The following IQCM variants were observed in gnomAD, a reference collection of about 807,000 sequenced individuals.
IQCM encodes IQ motif containing M.
IQCM carries 45 observed loss-of-function variants against 57.6 expected under a neutral mutation model. The ratio of observed to expected loss-of-function variants is 0.78; its 90% CI spans 0.62 to 1.00. The LOEUF is 1.00. Ranked by LOEUF, IQCM falls within the 50% of genes least tolerant of loss-of-function variation. The probability of loss-of-function intolerance (pLI) is 0.00; values close to 1 mark genes in which losing one functional copy is unlikely to be tolerated. For synonymous variants in IQCM, 148 were observed against 158.9 expected (o/e 0.93, Z 0.51); for missense variants, 468 against 511.6 (o/e 0.91, Z 0.82).
intron 12 of IQCM, among the ~76,000 whole-genome samples, chr4:149,482,303 T>A (rs997528717): frequency 6.6e-5 from 10 of 152,036 alleles, no homozygotes; most frequent in Admixed American, 2.6e-4. Flanking sequence ...TAGCTAGAAT[T>A]TCTAATGCCA....
intron 7 of IQCM, among the ~76,000 whole-genome samples, chr4:149,631,444 T>C (rs192680240): frequency 2.0e-4 from 31 of 152,292 alleles, no homozygotes; most frequent in African/African-American, 6.7e-4. Flanking sequence ...AATGTAAATA[T>C]AATATAAATG....
intron 12 of IQCM, among the ~76,000 whole-genome samples, chr4:149,531,730 T>C (rs966172373): frequency 1.6e-4 from 24 of 152,214 alleles, no homozygotes; most frequent in African/African-American, 5.1e-4. Context: ...TAGTTATATG[T>C]AGCACTAGCA....
At chr4:149,810,403 A>G (rs1774461474) in intron 2 of IQCM, among the ~76,000 whole-genome samples, 1 of 151,522 alleles carries the variant, frequency 6.6e-6, no homozygotes, top group African/African-American at 2.4e-5. Context: ...TGCTTATACC[A>G]AGATAATAAA....
At chr4:149,684,121 A>C (rs2150209495) in intron 6 of IQCM, among the ~76,000 whole-genome samples, 1 of 151,506 alleles carries the variant, frequency 6.6e-6, no homozygotes, top group African/African-American at 2.4e-5. Flanking sequence ...GGGAAATTAA[A>C]ATTTAGGATG....
At chr4:149,795,975 C>A (rs1333116081) in intron 2 of IQCM, among the ~76,000 whole-genome samples, 2 of 152,180 alleles carry the variant, frequency 1.3e-5, no homozygotes, top group African/African-American at 4.8e-5. Context: ...GACTTGCTGG[C>A]TCTAGGTGAG....
chr4:149,569,308 A>AT (rs1381572622), intron 9 of IQCM, among the ~76,000 whole-genome samples: 1 of 152,164 alleles, frequency 6.6e-6, no homozygotes, highest in Non-Finnish European at 1.5e-5. Context: ...TTTTTCAAAG[A>AT]TTTTGTTTCA....
chr4:149,570,059 G>A (rs1751011855), intron 9 of IQCM, among the ~76,000 whole-genome samples: 2 of 151,746 alleles, frequency 1.3e-5, no homozygotes, highest in Admixed American at 6.6e-5. Flanking sequence ...TAATAAAAAT[G>A]TTCATATATA....
chr4:149,694,599 A>G (rs551968090), intron 5 of IQCM, among the ~76,000 whole-genome samples: 21 of 152,210 alleles, frequency 1.4e-4, no homozygotes, highest in Admixed American at 3.9e-4. Flanking sequence ...AAAATCGTCT[A>G]TGTTAAATAG....
At chr4:149,615,329 T>A (rs549500323) in intron 8 of IQCM, among the ~76,000 whole-genome samples, 26 of 152,296 alleles carry the variant, frequency 1.7e-4, no homozygotes, top group African/African-American at 6.0e-4. Context: ...ACATTCCAGG[T>A]CTCACTCACC....
chr4:149,685,919 C>T (rs1029624706), intron 6 of IQCM, among the ~76,000 whole-genome samples: 3 of 151,474 alleles, frequency 2.0e-5, no homozygotes, highest in Non-Finnish European at 3.0e-5. Flanking sequence ...AGAGGCAATG[C>T]TCAGAATTCC....
chr4:149,457,944 T>C (rs956053777), intron 12 of IQCM, among the ~76,000 whole-genome samples: 6 of 151,988 alleles, frequency 3.9e-5, no homozygotes, highest in Non-Finnish European at 8.8e-5. Flanking sequence ...TAAGCACTGC[T>C]ATATGCACAT....
At chr4:149,712,233 G>T (rs1408195232) in intron 5 of IQCM, among the ~76,000 whole-genome samples, 1 of 152,164 alleles carries the variant, frequency 6.6e-6, no homozygotes, top group East Asian at 1.9e-4. Context: ...GCAGGCCAGA[G>T]AAATTAATAA....
intron 13 of IQCM, among the ~76,000 whole-genome samples, chr4:149,364,541 T>C (rs982339677): frequency 2.6e-5 from 4 of 152,088 alleles, no homozygotes; most frequent in African/African-American, 9.7e-5. Context: ...CCAGGTGGCA[T>C]GATTTATGCC....
intron 9 of IQCM, among the ~76,000 whole-genome samples, chr4:149,577,872 ATTTG>A (rs1006458197): frequency 1.3e-5 from 2 of 151,412 alleles, no homozygotes; most frequent in African/African-American, 4.8e-5. Flanking sequence ...ATGTTTTTTC[ATTTG>A]TTTGGGTCAT....
At chr4:149,467,484 CAT>C (rs1367634967) in intron 12 of IQCM, among the ~76,000 whole-genome samples, 1 of 152,122 alleles carries the variant, frequency 6.6e-6, no homozygotes, top group African/African-American at 2.4e-5. Context: ...CAATAAATAA[CAT>C]GATAAATAAG....
At chr4:149,677,083 A>C (rs1324510990) in intron 7 of IQCM, among the ~76,000 whole-genome samples, 1 of 152,034 alleles carries the variant, frequency 6.6e-6, no homozygotes, top group Admixed American at 6.6e-5. Context: ...AATACTCCCC[A>C]AAATCACTGT....
At chr4:149,802,861 C>A (rs751363720) in intron 2 of IQCM, among the ~76,000 whole-genome samples, 6 of 151,904 alleles carry the variant, frequency 3.9e-5, no homozygotes, top group Non-Finnish European at 7.4e-5. Flanking sequence ...ATCTTGTGTT[C>A]TACAGAAGAC....
At chr4:149,669,909 A>G (rs1579935021) in intron 7 of IQCM, among the ~76,000 whole-genome samples, 1 of 152,134 alleles carries the variant, frequency 6.6e-6, no homozygotes, top group African/African-American at 2.4e-5. Context: ...GTCAGGTAGC[A>G]TGATGCCTCC....
intron 8 of IQCM, among the ~76,000 whole-genome samples, chr4:149,609,415 A>T (rs954286482): frequency 3.3e-5 from 5 of 151,920 alleles, no homozygotes; most frequent in Non-Finnish European, 7.4e-5. Flanking sequence ...GCTGATACAA[A>T]AACCAGACAA....
Sources: gnomAD v4.1 joint callset for allele counts (sites outside exome capture counted in the v4.1 genomes callset) on GRCh38, gnomAD v4.1.1 for gene constraint, MANE v1.5 for transcripts, NCBI Gene and HGNC (gene_info 2026-07-23, HGNC 2026-07-21) for gene names.